The following LSM6 variants were observed in gnomAD, a reference collection of about 807,000 sequenced individuals.
The protein encoded by LSM6 is U6 snRNA-associated Sm-like protein LSm6.
Under a neutral mutation model 13.5 loss-of-function variants are expected in LSM6, and 2 were observed. That is an observed-to-expected ratio of 0.15 (90% CI 0.06 to 0.47). The LOEUF (loss-of-function observed/expected upper bound fraction) is 0.47, where lower values mean the gene tolerates loss of function less well. Among genes scored for constraint, LSM6 ranks in the 20% least tolerant of loss-of-function variants. The pLI is 0.97. For missense variants in LSM6, 58 were observed against 96.4 expected, an observed-to-expected ratio of 0.60 and a Z score of 1.67; for synonymous variants, 43 against 34.9, an observed-to-expected ratio of 1.23 and a Z score of -0.82.
chr4:146,181,460 C>G (rs1211356993), intron 1 of LSM6: 3 of 152,008 alleles, frequency 2.0e-5, no homozygotes, highest in Non-Finnish European at 4.4e-5. Flanking sequence ...TTTGTTGAGC[C>G]CAGTAACCTA....
intron 3 of LSM6, chr4:146,187,664 A>G (rs1730377053): frequency 7.3e-6 from 2 of 272,734 alleles, no homozygotes; most frequent in South Asian, 5.5e-5. Context: ...ATAGTGTAGT[A>G]TATCTCCCCA....
intron 1 of LSM6, 67 bp from the exon 2 acceptor site, chr4:146,182,845 A>T: frequency 1.1e-6 from 1 of 917,704 alleles, no homozygotes; most frequent in Non-Finnish European, 1.8e-6. Context: ...TAAGGGCTTT[A>T]AGGGTTTTGT....
At chr4:146,182,707 G>A (rs971081599) in intron 1 of LSM6, among the ~76,000 whole-genome samples, 3 of 152,244 alleles carry the variant, frequency 2.0e-5, no homozygotes, top group Non-Finnish European at 4.4e-5. Context: ...GATAATGCAT[G>A]TAGAATGTTT....
chr4:146,189,767 A>G lies in LSM6; in HGVS notation c.*111A>G. The G allele has an allele frequency of 1.4e-6, 1 of 706,696 alleles. No homozygotes were observed. The highest frequency in any genetic ancestry group is 2.5e-6 in the Non-Finnish European group (1 of 407,608). 43.8% of individuals were successfully genotyped at this position (706,696 alleles called of 1,614,324 possible). A position where few individuals can be genotyped will look rare whatever the true frequency, so the allele number is the denominator to read the frequency against. ...TGTCCTCTTTTTATAATAGTTGGTG[A>G]TTTTTCACTGACATGTGAGTAAGAT... On this transcript the variant is annotated 3_prime_UTR_variant, in exon 4 of 4. Coordinates refer to ENST00000296581, the MANE Select transcript of LSM6 (RefSeq NM_007080.3).
intron 2 of LSM6, 92 bp downstream of exon 2, chr4:146,183,107 G>C (rs1032608237): frequency 1.2e-6 from 1 of 862,280 alleles, no homozygotes; most frequent in Admixed American, 2.0e-5. Context: ...TACCCAATAG[G>C]CCAAAAAAGT....
chr4:146,188,002 A>T (rs1391971591), intron 3 of LSM6, among the ~76,000 whole-genome samples: 1 of 151,904 alleles, frequency 6.6e-6, no homozygotes, highest in East Asian at 1.9e-4. Flanking sequence ...GAATTACCCC[A>T]CTTTTTGGTT....
chr4:146,182,824 T>C, intron 1 of LSM6, 88 bp from the exon 2 acceptor site: 1 of 766,536 alleles, frequency 1.3e-6, no homozygotes, highest in South Asian at 1.5e-5. Flanking sequence ...CTTCATTTTC[T>C]GTAAGTATGT....
At chr4:146,184,536 G>A (rs1320753985) in intron 2 of LSM6, among the ~76,000 whole-genome samples, 1 of 152,028 alleles carries the variant, frequency 6.6e-6, no homozygotes, top group East Asian at 1.9e-4. Flanking sequence ...GGATTCATAC[G>A]GAATACTGAG....
Position 146,191,169 on chromosome 4 carries a change from C to T in LSM6, c.*1513C>T, listed in dbSNP as rs1292916691. 6.6e-6 allele frequency: 1 copy of T among 152,162 alleles called. No homozygotes were observed. The highest frequency in any genetic ancestry group is 1.5e-5 in the Non-Finnish European group (1 of 68,032). 9.4% of individuals were successfully genotyped at this position (152,162 alleles called of 1,614,324 possible). A position where few individuals can be genotyped will look rare whatever the true frequency, so the allele number is the denominator to read the frequency against. ...TATGTAAGTACAAATCACCAATTTG[C>T]TCTTTTATAAATGAGTTCTTTTAAG... On this transcript the variant is annotated 3_prime_UTR_variant, in exon 4 of 4. Transcript: ENST00000296581.
chr4:146,185,104 A>T (rs893001704), intron 2 of LSM6, among the ~76,000 whole-genome samples: 5 of 152,160 alleles, frequency 3.3e-5, no homozygotes, highest in African/African-American at 9.7e-5. Flanking sequence ...GCCACTATAA[A>T]CAACTCTTCT....
chr4:146,190,179 C>T lies in LSM6; in HGVS notation c.*523C>T, dbSNP rs1578684133. On this transcript the variant is annotated 3_prime_UTR_variant, in exon 4 of 4. Transcript: ENST00000296581. The stretch of plus-strand genomic sequence containing the variant: ...GAAGTTCAGCCACTGATTGAGTCAC[C>T]TAAATAAAAAACAGAATTGGAAAGC... 6.6e-6 allele frequency: 1 copy of T among 152,604 alleles called. No homozygotes were observed. The highest frequency in any genetic ancestry group is 2.1e-4 in the South Asian group (1 of 4,844). The allele number at this position is 152,604 out of a possible 1,614,324, so 9.5% of individuals were successfully genotyped here. A position where few individuals can be genotyped will look rare whatever the true frequency, so the allele number is the denominator to read the frequency against.
intron 1 of LSM6, among the ~76,000 whole-genome samples, chr4:146,178,962 A>G (rs1352237289): frequency 6.6e-6 from 1 of 152,234 alleles, no homozygotes; most frequent in Non-Finnish European, 1.5e-5. Flanking sequence ...TTATGAATCT[A>G]ACTCTGGTAG....
chr4:146,189,061 C>A (rs2110892656), intron 3 of LSM6, among the ~76,000 whole-genome samples: 1 of 150,578 alleles, frequency 6.6e-6, no homozygotes, highest in East Asian at 2.0e-4. Flanking sequence ...GCAATCTCAG[C>A]TCACTGCAGC....
intron 1 of LSM6, among the ~76,000 whole-genome samples, chr4:146,178,779 C>T (rs1730168303): frequency 6.6e-6 from 1 of 151,854 alleles, no homozygotes; most frequent in African/African-American, 2.4e-5. Flanking sequence ...ATTTTTTTTC[C>T]CCAGTGCTGC....
rs532629447 is a variant in LSM6, at chr4:146,182,969, C to T, written c.48C>T (p.Ile16=). The change falls in exon 2 of 4, where the codon ATC becomes ATT. Residue 16 remains isoleucine, a synonymous_variant. Transcript: ENST00000296581. ...CTAGTGACTTCTTAAAGCAAATCAT[C>T]GGACGACCAGTTGTGGTAAAATTAA... ...QTPSDFLKQI[I]GRPVVVKLNS... The T allele has an allele frequency of 5.1e-5, 83 of 1,613,462 alleles. 1 individual carries two copies. The South Asian group carries it at 7.7e-4, about 15-fold the overall frequency.
chr4:146,181,449 A>G (rs1012450640), intron 1 of LSM6: 1 of 152,148 alleles, frequency 6.6e-6, no homozygotes, highest in Non-Finnish European at 1.5e-5. Flanking sequence ...TGTACATGTA[A>G]TTTGTTGAGC....
intron 2 of LSM6, 81 bp downstream of exon 2, chr4:146,183,096 A>G: frequency 2.9e-6 from 3 of 1,049,684 alleles, no homozygotes; most frequent in Non-Finnish European, 3.0e-6. Flanking sequence ...CCTCTTAAGT[A>G]TACCCAATAG....
At chr4:146,187,133 G>A in intron 2 of LSM6, 141 bp from the exon 3 acceptor site, 2 of 579,358 alleles carry the variant, frequency 3.5e-6, no homozygotes. Flanking sequence ...TTAAGCTGTT[G>A]AGTTTCATTT....
intron 1 of LSM6, chr4:146,181,057 T>C (rs967398288): frequency 1.3e-5 from 2 of 152,248 alleles, no homozygotes; most frequent in Non-Finnish European, 2.9e-5. Context: ...ATAGTAGTTG[T>C]AATAGTAGTT....
Sources: gnomAD v4.1 joint callset for allele counts (sites outside exome capture counted in the v4.1 genomes callset) on GRCh38, gnomAD v4.1.1 for gene constraint, MANE v1.5 for transcripts, NCBI Gene and HGNC (gene_info 2026-07-23, HGNC 2026-07-21) for gene names.